The following ULK4 variants were observed in gnomAD, a reference collection of about 807,000 sequenced individuals.
ULK4 encodes the protein inactive serine/threonine-protein kinase ULK4.
A neutral mutation model predicts 160.6 loss-of-function variants in ULK4; 133 were observed. The ratio of observed to expected loss-of-function variants is 0.83; its 90% confidence interval spans 0.72 to 0.96. The LOEUF (loss-of-function observed/expected upper bound fraction) is 0.96. ULK4 is among the 40% of genes least tolerant of loss of function. The probability of loss-of-function intolerance (pLI) is 0.00; values close to 1 mark genes in which losing one functional copy is unlikely to be tolerated. For missense variants in ULK4, 1,580 were observed against 1,499.5 expected (o/e 1.05, Z -0.89); for synonymous variants, 534 against 539.8 (o/e 0.99, Z 0.15).
intron 31 of ULK4, among the ~76,000 whole-genome samples, chr3:41,575,254 C>G (rs575270679): frequency 6.6e-6 from 1 of 152,022 alleles, no homozygotes; most frequent in Admixed American, 6.5e-5. Flanking sequence ...GAAGAAAGAC[C>G]AGGATTTAGG....
At chr3:41,636,692 G>A (rs1210053843) in intron 30 of ULK4, among the ~76,000 whole-genome samples, 9 of 151,972 alleles carry the variant, frequency 5.9e-5, no homozygotes, top group South Asian at 2.1e-4. Context: ...TGCCATGCTG[G>A]TGCGCTGCAC....
intron 32 of ULK4, among the ~76,000 whole-genome samples, chr3:41,540,313 T>C (rs945556399): frequency 3.3e-5 from 5 of 152,170 alleles, no homozygotes; most frequent in Non-Finnish European, 2.9e-5. Flanking sequence ...TTGTGATAGT[T>C]TGCAGAGAAC....
chr3:41,470,018 GAAAAAAA>G lies in ULK4; in HGVS notation c.3227-6772_3227-6766del, dbSNP rs71094650. 8.3e-3 allele frequency among the ~76,000 whole-genome samples: 380 copies of G among 45,988 alleles called. 1 individual carries two copies. The highest frequency in any genetic ancestry group is 0.011 in the Non-Finnish European group (304 of 26,546). 30.2% of individuals were successfully genotyped at this position (45,988 alleles called of 152,430 possible). A position where few individuals can be genotyped will look rare whatever the true frequency, so the allele number is the denominator to read the frequency against. The stretch of plus-strand genomic sequence containing the variant: ...GAGGAATTCAAGAAGAAACAGAACA[GAAAAAAA>G]AAAAAAAAAAAAAAAAAAAAACAAA... On this transcript the variant is annotated intron_variant, in intron 32 of 36. Coordinates refer to ENST00000301831, the MANE Select transcript of ULK4 (RefSeq NM_017886.4).
At chr3:41,447,583 A>G (rs1469863557) in intron 34 of ULK4, among the ~76,000 whole-genome samples, 2 of 152,130 alleles carry the variant, frequency 1.3e-5, no homozygotes, top group Non-Finnish European at 2.9e-5. Context: ...TAAACATTGA[A>G]TGTCAGAGCC....
chr3:41,667,619 G>A (rs1204428532), intron 29 of ULK4, among the ~76,000 whole-genome samples: 2 of 152,184 alleles, frequency 1.3e-5, no homozygotes, highest in Non-Finnish European at 2.9e-5. Context: ...TGGACTAGGG[G>A]CTGGAGAGGA....
At chr3:41,483,919 G>T (rs1215126217) in intron 32 of ULK4, among the ~76,000 whole-genome samples, 1 of 152,162 alleles carries the variant, frequency 6.6e-6, no homozygotes, top group African/African-American at 2.4e-5. Flanking sequence ...AATGCAGGGG[G>T]CCTCTGAGGC....
intron 21 of ULK4, among the ~76,000 whole-genome samples, chr3:41,760,229 A>C (rs1435434095): frequency 1.3e-5 from 2 of 152,178 alleles, no homozygotes; most frequent in African/African-American, 4.8e-5. Context: ...TCATACTGAG[A>C]TATAACTATG....
intron 34 of ULK4, among the ~76,000 whole-genome samples, chr3:41,436,604 G>C (rs932265480): frequency 6.6e-6 from 1 of 152,092 alleles, no homozygotes; most frequent in African/African-American, 2.4e-5. Context: ...GATGAAAAAG[G>C]AGCCTTTATG....
At chr3:41,653,153 TACCC>T (rs1199981866) in intron 30 of ULK4, among the ~76,000 whole-genome samples, 2 of 152,170 alleles carry the variant, frequency 1.3e-5, no homozygotes, top group Non-Finnish European at 2.9e-5. Context: ...CCTTAGCTCA[TACCC>T]ACAACCACCT....
intron 17 of ULK4, among the ~76,000 whole-genome samples, chr3:41,879,162 T>A (rs1697418683): frequency 6.6e-6 from 1 of 151,990 alleles, no homozygotes; most frequent in African/African-American, 2.4e-5. Flanking sequence ...AATTACAAAA[T>A]GACATGTATG....
chr3:41,649,843 G>A (rs1159501628), intron 30 of ULK4, among the ~76,000 whole-genome samples: 2 of 152,226 alleles, frequency 1.3e-5, no homozygotes, highest in African/African-American at 4.8e-5. Context: ...CTGAAGCCTG[G>A]TGACCGGCTG....
chr3:41,276,420 G>A (rs936126587), intron 35 of ULK4, among the ~76,000 whole-genome samples: 2 of 152,114 alleles, frequency 1.3e-5, no homozygotes, highest in Non-Finnish European at 2.9e-5. Context: ...TTATTCCTTG[G>A]ACCATCCAGG....
chr3:41,256,380 CAGA>C (rs1386963911), intron 35 of ULK4, among the ~76,000 whole-genome samples: 2 of 152,138 alleles, frequency 1.3e-5, no homozygotes, highest in Non-Finnish European at 2.9e-5. Flanking sequence ...GTGGTACTGG[CAGA>C]AGGTCAGACA....
chr3:41,369,408 C>T (rs2081317370), intron 35 of ULK4, among the ~76,000 whole-genome samples: 1 of 151,936 alleles, frequency 6.6e-6, no homozygotes, highest in Admixed American at 6.6e-5. Flanking sequence ...GTGAGAGGAT[C>T]ACCTGAGCTT....
At chr3:41,799,445 TAA>T (rs968587025) in intron 20 of ULK4, among the ~76,000 whole-genome samples, 1 of 152,146 alleles carries the variant, frequency 6.6e-6, no homozygotes, top group Non-Finnish European at 1.5e-5. Context: ...AACCACATGA[TAA>T]ACTCATTTGA....
chr3:41,883,905 G>A lies in ULK4; in HGVS notation c.1625C>T (p.Ala542Val). The change falls in exon 17 of 37, where the codon GCT becomes GTT. Residue 542 changes from alanine (A) to valine (V), a missense_variant. Ala to Val is a moderately conservative substitution (Grantham distance 64, BLOSUM62 0). Transcript: ENST00000301831. ...HVIGLLASHT[A>V]ELQENTPVVE... ...AACAGGTGTATTTTCCTGGAGCTCA[G>A]CTGTGTGCGAAGCCAGTAAACCAAT... The A allele has an allele frequency of 6.2e-7, 1 of 1,610,160 alleles. No individual in the cohort carries two copies. Among genetic ancestry groups the A allele is most frequent in the African/African-American group, 1.3e-5 (1 of 75,048 alleles).
chr3:41,735,545 T>C (rs2038002036), intron 22 of ULK4, among the ~76,000 whole-genome samples: 1 of 152,068 alleles, frequency 6.6e-6, no homozygotes, highest in Non-Finnish European at 1.5e-5. Context: ...ATTACTGGAA[T>C]AACATGTAAA....
intron 31 of ULK4, among the ~76,000 whole-genome samples, chr3:41,588,051 T>G (rs530042330): frequency 3.3e-5 from 5 of 152,334 alleles, no homozygotes; most frequent in Middle Eastern, 3.4e-3. Context: ...AGATTGCTGT[T>G]GAAATCAGGC....
intron 18 of ULK4, among the ~76,000 whole-genome samples, chr3:41,830,109 A>G (rs1185142444): frequency 6.6e-6 from 1 of 152,156 alleles, no homozygotes; most frequent in African/African-American, 2.4e-5. Flanking sequence ...GAACACATGG[A>G]CACAGAAAGG....
Sources: gnomAD v4.1 joint callset for allele counts (sites outside exome capture counted in the v4.1 genomes callset) on GRCh38, gnomAD v4.1.1 for gene constraint, MANE v1.5 for transcripts, NCBI Gene and HGNC (gene_info 2026-07-23, HGNC 2026-07-21) for gene names.